The following INPP4B variants were observed in gnomAD, a reference collection of about 807,000 sequenced individuals.
INPP4B encodes the protein inositol polyphosphate-4-phosphatase type II B, also known as inositol polyphosphate 4-phosphatase type II.
In INPP4B, 55 loss-of-function variants were observed where a neutral mutation model predicts 122.5. That is an observed-to-expected ratio of 0.45 (90% CI 0.36 to 0.56). The LOEUF (loss-of-function observed/expected upper bound fraction) is 0.56. Among genes scored for constraint, INPP4B ranks in the 20% least tolerant of loss-of-function variants. The pLI is 0.00. For missense variants in INPP4B, 1,000 were observed against 1,097.7 expected, an observed-to-expected ratio of 0.91 and a Z score of 1.26; for synonymous variants, 403 against 388.7, an observed-to-expected ratio of 1.04 and a Z score of -0.43.
chr4:142,312,712 G>A (rs1328215168), intron 8 of INPP4B, among the ~76,000 whole-genome samples: 2 of 152,222 alleles, frequency 1.3e-5, no homozygotes, highest in African/African-American at 2.4e-5. Flanking sequence ...ACAACAAGTG[G>A]TTGTGGAATG....
intron 14 of INPP4B, among the ~76,000 whole-genome samples, chr4:142,193,477 A>G (rs143191344): frequency 8.0e-4 from 122 of 152,264 alleles, no homozygotes; most frequent in African/African-American, 2.7e-3. Context: ...ATTATTCTAT[A>G]TACTTACTGA....
intron 7 of INPP4B, among the ~76,000 whole-genome samples, chr4:142,347,792 T>G (rs1780750909): frequency 6.6e-6 from 1 of 151,924 alleles, no homozygotes; most frequent in South Asian, 2.1e-4. Flanking sequence ...TTTAGGTGCA[T>G]CTATAGCAGC....
chr4:142,588,885 A>G (rs1460033225), intron 2 of INPP4B, among the ~76,000 whole-genome samples: 1 of 151,980 alleles, frequency 6.6e-6, no homozygotes. Flanking sequence ...TAGAATAGTC[A>G]ACGCAATACT....
At chr4:142,125,630 C>A (rs1001040903) in intron 18 of INPP4B, among the ~76,000 whole-genome samples, 1 of 152,086 alleles carries the variant, frequency 6.6e-6, no homozygotes, top group Admixed American at 6.6e-5. Flanking sequence ...AAACTCAATT[C>A]AGGATTTCTC....
chr4:142,441,887 G>C (rs1811807082), intron 3 of INPP4B, among the ~76,000 whole-genome samples: 1 of 150,954 alleles, frequency 6.6e-6, no homozygotes. Context: ...CCAGAAAAGA[G>C]AGAGAGAGAG....
At chr4:142,687,024 A>T (rs1363193446) in intron 2 of INPP4B, among the ~76,000 whole-genome samples, 1 of 152,056 alleles carries the variant, frequency 6.6e-6, no homozygotes, top group African/African-American at 2.4e-5. Context: ...CAGGAGAAAA[A>T]AAATTCTTGG....
chr4:142,039,424 G>A (rs1374340391), intron 25 of INPP4B, among the ~76,000 whole-genome samples: 3 of 151,430 alleles, frequency 2.0e-5, no homozygotes, highest in Admixed American at 6.6e-5. Flanking sequence ...ATAAAATTCC[G>A]AGAAAATAGG....
chr4:142,204,788 G>A (rs1404090932), intron 14 of INPP4B, among the ~76,000 whole-genome samples: 5 of 152,022 alleles, frequency 3.3e-5, no homozygotes, highest in African/African-American at 1.2e-4. Context: ...CAGATACCAG[G>A]AAGGGACGAG....
chr4:142,235,168 C>G lies in INPP4B; in HGVS notation c.836+2696G>C, dbSNP rs1455312725. ...TAGCAGACAAGCAGTAGAAAGACAG[C>G]GGCTCATCCTTTAAGAGGTTTCTAA... On this transcript the variant is annotated intron_variant, in intron 12 of 25. Coordinates refer to ENST00000262992, the MANE Select transcript of INPP4B (RefSeq NM_001101669.3). 2.0e-5 allele frequency among the ~76,000 whole-genome samples: 3 copies of G among 152,128 alleles called. No homozygotes were observed. In the East Asian group the frequency reaches 5.8e-4, roughly 30 times the overall value.
intron 25 of INPP4B, among the ~76,000 whole-genome samples, chr4:142,074,606 T>A (rs1175310549): frequency 1.3e-5 from 2 of 152,222 alleles, no homozygotes; most frequent in Non-Finnish European, 2.9e-5. Context: ...GGTAATCAGA[T>A]GTTGGTAAAA....
At chr4:142,543,819 T>C (rs1373265086) in intron 2 of INPP4B, among the ~76,000 whole-genome samples, 1 of 152,184 alleles carries the variant, frequency 6.6e-6, no homozygotes, top group African/African-American at 2.4e-5. Flanking sequence ...TAGCTGTTCC[T>C]TATAAATATA....
At chr4:142,771,904 C>T (rs145466736) in intron 1 of INPP4B, among the ~76,000 whole-genome samples, 1 of 152,022 alleles carries the variant, frequency 6.6e-6, no homozygotes, top group South Asian at 2.1e-4. Context: ...CAATAACTTC[C>T]CATTTTCTAT....
chr4:142,576,627 A>T (rs766195722), intron 2 of INPP4B, among the ~76,000 whole-genome samples: 1 of 152,014 alleles, frequency 6.6e-6, no homozygotes, highest in African/African-American at 2.4e-5. Context: ...AAAAAGCACC[A>T]GTCATTTATA....
At chr4:142,699,183 A>G (rs1761404760) in intron 2 of INPP4B, among the ~76,000 whole-genome samples, 1 of 152,238 alleles carries the variant, frequency 6.6e-6, no homozygotes, top group East Asian at 1.9e-4. Flanking sequence ...TTAGAGCACT[A>G]TTTCATTGTG....
Position 142,028,701 on chromosome 4 carries a change from A to G in INPP4B, c.*81T>C. On this transcript the variant is annotated 3_prime_UTR_variant, in exon 26 of 26. Transcript: ENST00000262992. ...TCCCCCACCACAAATTCATGACAATAAAAACAAACAAAAAAGACCAAGGTG... is the reference window on the plus strand; with the variant it reads ...TCCCCCACCACAAATTCATGACAATGAAAACAAACAAAAAAGACCAAGGTG... 6.9e-7 allele frequency: 1 copy of G among 1,452,060 alleles called. No homozygotes were observed. Among genetic ancestry groups the G allele is most frequent in the Non-Finnish European group, 9.3e-7 (1 of 1,071,444 alleles). The allele number at this position is 1,452,060 out of a possible 1,614,324, so 89.9% of individuals were successfully genotyped here. A position where few individuals can be genotyped will look rare whatever the true frequency, so the allele number is the denominator to read the frequency against.
At chr4:142,755,952 A>G (rs999072707) in intron 1 of INPP4B, among the ~76,000 whole-genome samples, 10 of 152,040 alleles carry the variant, frequency 6.6e-5, no homozygotes, top group Admixed American at 5.9e-4. Flanking sequence ...GGTCTTGTTC[A>G]TTAAACCCCA....
intron 2 of INPP4B, among the ~76,000 whole-genome samples, chr4:142,703,988 G>T (rs994677871): frequency 6.6e-6 from 1 of 152,124 alleles, no homozygotes; most frequent in Non-Finnish European, 1.5e-5. Flanking sequence ...GACCTTAGAA[G>T]CAAAATGGGG....
chr4:142,644,881 G>T (rs1363991323), intron 2 of INPP4B, among the ~76,000 whole-genome samples: 7 of 126,266 alleles, frequency 5.5e-5, no homozygotes, highest in Middle Eastern at 5.9e-3. Flanking sequence ...ACTCCAGCCT[G>T]AGTGACAGAG....
rs70949166 is a variant in INPP4B at position 142,399,189 on chromosome 4, CTTTTTTTTTTTT to C, written c.372+3737_372+3748del. 9.5e-3 allele frequency among the ~76,000 whole-genome samples: 543 copies of C among 57,052 alleles called. 9 individuals carry two copies. Among genetic ancestry groups the C allele is most frequent in the African/African-American group, 0.037 (526 of 14,354 alleles). The allele number at this position is 57,052 out of a possible 152,430, so 37.4% of individuals were successfully genotyped here. A position where few individuals can be genotyped will look rare whatever the true frequency, so the allele number is the denominator to read the frequency against. ...CTTTTCCTTTCTAAATTTCCTTTTG[CTTTTTTTTTTTT>C]TTTTTTTTTTTTTTGAGTCGGAGTC... On this transcript the variant is annotated intron_variant, in intron 7 of 25. Transcript: ENST00000262992.
Sources: gnomAD v4.1 joint callset for allele counts (sites outside exome capture counted in the v4.1 genomes callset) on GRCh38, gnomAD v4.1.1 for gene constraint, MANE v1.5 for transcripts, NCBI Gene and HGNC (gene_info 2026-07-23, HGNC 2026-07-21) for gene names.